The following CPEB4 variants were observed in gnomAD, a reference collection of about 807,000 sequenced individuals.
CPEB4 encodes the protein cytoplasmic polyadenylation element binding protein 4, also known as cytoplasmic polyadenylation element-binding protein 4.
CPEB4 carries 12 observed loss-of-function variants against 72.5 expected under a neutral mutation model. The observed-to-expected ratio is 0.17, with a 90% CI of 0.11 to 0.27. CPEB4 has a LOEUF of 0.27. Ranked by LOEUF, CPEB4 falls within the 10% of genes least tolerant of loss-of-function variation. CPEB4 has a pLI of 1.00. For synonymous variants in CPEB4, 302 were observed against 326.3 expected (o/e 0.93, Z 0.80); for missense variants, 614 against 908.5 (o/e 0.68, Z 4.17).
chr5:173,927,293 T>C (rs1040963286), intron 2 of CPEB4, among the ~76,000 whole-genome samples: 2 of 152,208 alleles, frequency 1.3e-5, no homozygotes, highest in African/African-American at 4.8e-5. Context: ...TTGAGTTCAG[T>C]GGAATGAACT....
In CPEB4 at chr5:173,932,486, C is replaced by G. The variant is rs1461722389; in HGVS notation, c.1244C>G (p.Ser415Cys). 2 of 1,612,340 alleles carry G rather than the reference C, an allele frequency of 1.2e-6. No homozygotes were observed. The highest frequency in any genetic ancestry group is 2.2e-5 in the South Asian group (2 of 90,818). ...TATTCATATCCAGGATCCGATAGCT[C>G]TCTGCTTATTAATGGTAAGTGATAA... ...LNYSYPGSDS[S>C]LLINARTYGR... The change falls in exon 3 of 10, where the codon TCT becomes TGT. Residue 415 changes from serine to cysteine, a missense_variant. This residue lies in a region of CPEB4 where 458 missense variants were observed against 548.6 expected (regional missense o/e 0.83). Coordinates refer to ENST00000265085, the MANE Select transcript of CPEB4 (RefSeq NM_030627.4).
At position 173,949,529 on chromosome 5, in the gene CPEB4, G is replaced by A. The variant is rs1313241047; in HGVS notation, c.1478G>A (p.Arg493His). ...TTAGATGAGATCACAGCTAGTTTTCGTCGCTTTGGCCCTCTGATTGTGGAT... is the reference window on the plus strand; with the variant it reads ...TTAGATGAGATCACAGCTAGTTTTCATCGCTTTGGCCCTCTGATTGTGGAT... Reference protein sequence around the residue: ...IDEDEITASFRRFGPLIVDWP... With the variant: ...IDEDEITASFHRFGPLIVDWP... Residue 493 changes from arginine to histidine, a missense_variant, in exon 6 of 10, where the codon CGT becomes CAT. By Grantham distance (29) the Arg-to-His change is conservative. Coordinates refer to ENST00000265085, the MANE Select transcript of CPEB4 (RefSeq NM_030627.4). 3.1e-6 allele frequency: 5 copies of A among 1,612,976 alleles called. No individual in the cohort carries two copies. Among genetic ancestry groups the A allele is most frequent in the East Asian group, 2.2e-5 (1 of 44,826 alleles).
chr5:173,935,701 A>G (rs1460869991), intron 3 of CPEB4, among the ~76,000 whole-genome samples: 1 of 152,184 alleles, frequency 6.6e-6, no homozygotes, highest in African/African-American at 2.4e-5. Context: ...GCTTTTAGAA[A>G]GAGGTTTAAA....
intron 2 of CPEB4, among the ~76,000 whole-genome samples, chr5:173,918,512 G>A (rs547183254): frequency 6.6e-6 from 1 of 152,258 alleles, no homozygotes; most frequent in South Asian, 2.1e-4. Context: ...GGGAGGGTAA[G>A]GGGAAATGCC....
rs1461582153 is a variant in CPEB4, at chr5:173,959,578, C to T, written c.*3441C>T. On this transcript the variant is annotated 3_prime_UTR_variant, in exon 10 of 10. Coordinates refer to ENST00000265085, the MANE Select transcript of CPEB4 (RefSeq NM_030627.4). The stretch of plus-strand genomic sequence containing the variant: ...TTTGAAAGATCTTTGCAGTGTAATT[C>T]TTTGTTTTTAATTGCAGACATTTAA... 1 of 152,656 alleles carries T rather than the reference C, an allele frequency of 6.6e-6. No individual in the cohort carries two copies. The highest frequency in any genetic ancestry group is 1.9e-4 in the East Asian group (1 of 5,342). The allele number at this position is 152,656 out of a possible 1,614,324, so 9.5% of individuals were successfully genotyped here.
intron 2 of CPEB4, among the ~76,000 whole-genome samples, chr5:173,926,702 A>T (rs1477567968): frequency 1.3e-5 from 2 of 152,192 alleles, no homozygotes; most frequent in Non-Finnish European, 2.9e-5. Flanking sequence ...ACCAGGCAGT[A>T]TTTTTTATAT....
At chr5:173,931,729 T>C (rs1561622892) in intron 2 of CPEB4, among the ~76,000 whole-genome samples, 2 of 152,180 alleles carry the variant, frequency 1.3e-5, no homozygotes, top group African/African-American at 2.4e-5. Context: ...TCCTTCAACA[T>C]AGAGAAATCC....
intron 1 of CPEB4, among the ~76,000 whole-genome samples, chr5:173,892,254 G>A (rs1417726058): frequency 7.3e-6 from 1 of 137,524 alleles, no homozygotes; most frequent in Non-Finnish European, 1.6e-5. Flanking sequence ...GGTATATTTA[G>A]TTTTCGACTT....
chr5:173,891,131 C>G (rs143438671), intron 1 of CPEB4, among the ~76,000 whole-genome samples: 107 of 150,772 alleles, frequency 7.1e-4, no homozygotes, highest in African/African-American at 2.5e-3. Context: ...ACTATAATAC[C>G]TTTCTTGCCT....
chr5:173,923,321 T>C (rs1201347164), intron 2 of CPEB4, among the ~76,000 whole-genome samples: 3 of 152,210 alleles, frequency 2.0e-5, no homozygotes. Flanking sequence ...AACTCAGTCT[T>C]AATTCTCTTT....
rs575794229 is a variant in CPEB4, at chr5:173,951,043, G to T, written c.1666-781G>T. ...TCTGTGGAGCTTCTCCTGAAGTCTT[G>T]TGGTTGTCTAGGTCAGAAACTTTCG... On this transcript the variant is annotated intron_variant, in intron 7 of 9. Transcript: ENST00000265085. Among the ~76,000 whole-genome samples the T allele has an allele frequency of 3.3e-5, 5 of 152,312 alleles. No individual in the cohort carries two copies. The East Asian group carries it at 9.6e-4, about 29-fold the overall frequency.
At chr5:173,892,404 C>T (rs991526983) in intron 1 of CPEB4, among the ~76,000 whole-genome samples, 28 of 151,484 alleles carry the variant, frequency 1.8e-4, no homozygotes, top group African/African-American at 6.8e-4. Flanking sequence ...TTGACAATCC[C>T]ATGAAGTCTA....
intron 1 of CPEB4, among the ~76,000 whole-genome samples, chr5:173,904,995 TAATAATAATAATAATAATAATAAA>T (rs1249425843): frequency 4.4e-5 from 5 of 114,092 alleles, no homozygotes; most frequent in African/African-American, 6.4e-5. Flanking sequence ...ATAATAATAA[TAATAATAATAATAATAATAATAAA>T]AAAATGTAAC....
At chr5:173,937,502 A>G (rs1328444540) in intron 3 of CPEB4, among the ~76,000 whole-genome samples, 1 of 152,208 alleles carries the variant, frequency 6.6e-6, no homozygotes, top group Non-Finnish European at 1.5e-5. Context: ...AGTTGCTACA[A>G]TAATAAGCAT....
intron 3 of CPEB4, among the ~76,000 whole-genome samples, chr5:173,937,086 A>G (rs1757654693): frequency 1.5e-5 from 2 of 134,684 alleles, no homozygotes; most frequent in African/African-American, 2.9e-5. Context: ...AGTCTGATCC[A>G]GGCTGGAGTG....
intron 5 of CPEB4, among the ~76,000 whole-genome samples, 197 bp from the exon 6 acceptor site, chr5:173,949,307 TAGAG>T (rs1758138271): frequency 6.6e-6 from 1 of 152,036 alleles, no homozygotes; most frequent in Admixed American, 6.6e-5. Context: ...TATGTACAGA[TAGAG>T]GGAGAAAGAG....
At chr5:173,942,448 C>G (rs143774022) in intron 3 of CPEB4, among the ~76,000 whole-genome samples, 180 of 152,294 alleles carry the variant, frequency 1.2e-3, no homozygotes, top group African/African-American at 4.1e-3. Context: ...AAATACCAAG[C>G]CTTTTACTTT....
At chr5:173,948,216 A>G (rs1758096159) in intron 5 of CPEB4, among the ~76,000 whole-genome samples, 1 of 152,240 alleles carries the variant, frequency 6.6e-6, no homozygotes, top group African/African-American at 2.4e-5. Flanking sequence ...TTATTTGGCA[A>G]CCATTATTGT....
intron 2 of CPEB4, among the ~76,000 whole-genome samples, chr5:173,921,921 G>C (rs1757086391): frequency 6.6e-6 from 1 of 152,204 alleles, no homozygotes; most frequent in South Asian, 2.1e-4. Flanking sequence ...CTTTTATTCA[G>C]TGCCCCTTCT....
Sources: allele counts gnomAD v4.1 joint callset (sites outside exome capture counted in the v4.1 genomes callset), GRCh38; gene constraint gnomAD v4.1.1; regional missense constraint gnomAD v4.1.1; transcripts MANE v1.5; gene names NCBI Gene and HGNC (gene_info 2026-07-23, HGNC 2026-07-21).